Variants in NKIRAS2 observed in about 807,000 individuals in gnomAD.
NKIRAS2 encodes the protein NF-kappa-B inhibitor-interacting Ras-like protein 2.
NKIRAS2 carries 15 observed loss-of-function variants against 20.7 expected under a neutral mutation model. That is an observed-to-expected ratio of 0.73 (90% CI 0.49 to 1.12). The LOEUF (loss-of-function observed/expected upper bound fraction) is 1.12, where lower values mean the gene tolerates loss of function less well. NKIRAS2 is among the 50% of genes most tolerant of loss of function. NKIRAS2 has a pLI of 0.00. For synonymous variants in NKIRAS2, 116 were observed against 101.4 expected, an observed-to-expected ratio of 1.14 and a Z score of -0.87; for missense variants, 196 against 249.6, an observed-to-expected ratio of 0.79 and a Z score of 1.45.
intron 2 of NKIRAS2, 176 bp downstream of exon 2, chr17:42,021,847 C>T (rs896102611): frequency 6.6e-6 from 5 of 759,320 alleles, no homozygotes; most frequent in Admixed American, 1.7e-5. Flanking sequence ...AGGGAGAAAG[C>T]CCTATGTCCA....
intron 3 of NKIRAS2, 30 bp from the exon 4 acceptor site, chr17:42,023,624 A>G: frequency 3.1e-6 from 5 of 1,601,686 alleles, no homozygotes; most frequent in Non-Finnish European, 4.3e-6. Context: ...TGGTACATTC[A>G]CAGGCCTATG....
intron 3 of NKIRAS2, 102 bp from the exon 4 acceptor site, chr17:42,023,552 T>G: frequency 2.1e-5 from 22 of 1,023,318 alleles, no homozygotes; most frequent in Non-Finnish European, 3.1e-5. Context: ...TATCAGCCAT[T>G]GAGCTTTCCT....
At chr17:42,022,021 C>G in intron 2 of NKIRAS2, 1 of 520,046 alleles carries the variant, frequency 1.9e-6, no homozygotes, top group Non-Finnish European at 3.7e-6. Context: ...ACCAGCCTAA[C>G]GAACTTGGAG....
upstream of NKIRAS2, chr17:42,017,602 G>A (rs35468867): frequency 5.6e-6 from 4 of 713,280 alleles, no homozygotes; most frequent in Admixed American, 5.9e-5. Flanking sequence ...CTCCGCGCCG[G>A]GGCGGGAGCC....
chr17:42,022,894 G>T (rs2052492144), intron 3 of NKIRAS2: 1 of 434,564 alleles, frequency 2.3e-6, no homozygotes, highest in South Asian at 3.3e-5. Flanking sequence ...TGTTGAAGGG[G>T]TCACTGACCT....
chr17:42,023,369 G>A (rs571500522), intron 3 of NKIRAS2, among the ~76,000 whole-genome samples: 1 of 152,300 alleles, frequency 6.6e-6, no homozygotes, highest in Non-Finnish European at 1.5e-5. Context: ...CTCACCTGTT[G>A]TTGAGCCAGA....
upstream of NKIRAS2, chr17:42,017,721 C>T (rs1481695073): frequency 2.0e-6 from 1 of 501,922 alleles, no homozygotes; most frequent in Admixed American, 3.7e-5. Context: ...ATTCCAAGAG[C>T]CTCATTGCCA....
At chr17:42,021,332 GTAGACAT>G in intron 1 of NKIRAS2, 2 of 479,526 alleles carry the variant, frequency 4.2e-6, no homozygotes, top group Admixed American at 6.7e-5. Context: ...CCATCCAGTA[GTAGACAT>G]GGAGACATCC....
rs1190436496 is a variant in NKIRAS2 at position 42,023,712 on chromosome 17, C to A, written c.395C>A (p.Pro132Gln). ...CDLQEQRRVD[P>Q]DVAQHWAKSE... ...TTACAGGAGCAGCGGCGTGTAGACC[C>A]AGATGTGGCTCAGCACTGGGCCAAG... Residue 132 changes from proline to glutamine, a missense_variant, in exon 4 of 4, where the codon CCA (proline) becomes CAA (glutamine). Physicochemically the swap from Pro to Gln is moderately conservative, Grantham distance 76. Transcript: ENST00000393885. 6.2e-7 allele frequency: 1 copy of A among 1,614,100 alleles called. No homozygotes were observed. Among genetic ancestry groups the A allele is most frequent in the Non-Finnish European group, 8.5e-7 (1 of 1,180,010 alleles).
chr17:42,017,625 C>T (rs1598163580), upstream of NKIRAS2: 8 of 617,850 alleles, frequency 1.3e-5, no homozygotes, highest in East Asian at 2.1e-4. Flanking sequence ...GGGGCTGTGC[C>T]GGTGCGTAGG....
upstream of NKIRAS2, among the ~76,000 whole-genome samples, chr17:42,018,903 T>A (rs1297662945): frequency 1.3e-5 from 2 of 152,188 alleles, no homozygotes; most frequent in East Asian, 3.8e-4. Flanking sequence ...AAATTTAACT[T>A]TTTCATTGTC....
chr17:42,017,902 A>G (rs1260580923), upstream of NKIRAS2, among the ~76,000 whole-genome samples: 2 of 152,112 alleles, frequency 1.3e-5, no homozygotes. Context: ...CTTTGAGCTC[A>G]GTTCCCCCAG....
chr17:42,022,302 AT>A (rs2052473149), intron 2 of NKIRAS2, 96 bp from the exon 3 acceptor site: 2 of 1,332,756 alleles, frequency 1.5e-6, no homozygotes, highest in African/African-American at 2.9e-5. Context: ...AGCCCCCTAC[AT>A]TCCTTTCTCC....
chr17:42,024,105 C>A lies in NKIRAS2; in HGVS notation c.*212C>A. ...CCCCTTCCTCAGCCCTCCCAGCCTA[C>A]TCCCCATCCCAGCTTTTAGAGGATC... On this transcript the variant is annotated 3_prime_UTR_variant, in exon 4 of 4. Transcript: ENST00000393885. 1 of 662,054 alleles carries A rather than the reference C, an allele frequency of 1.5e-6. No homozygotes were observed. The highest frequency in any genetic ancestry group is 2.5e-6 in the Non-Finnish European group (1 of 407,422). 41.0% of individuals were successfully genotyped at this position (662,054 alleles called of 1,614,324 possible).
At chr17:42,018,976 C>T (rs535039795), upstream of NKIRAS2, among the ~76,000 whole-genome samples, 2 of 152,294 alleles carry the variant, frequency 1.3e-5, no homozygotes, top group African/African-American at 2.4e-5. Context: ...TCCTAAATTC[C>T]GTATCTTGTT....
intron 2 of NKIRAS2, 83 bp from the exon 3 acceptor site, chr17:42,022,316 A>AT: frequency 7.0e-7 from 1 of 1,429,042 alleles, no homozygotes; most frequent in Non-Finnish European, 9.4e-7. Context: ...CTTTCTCCCC[A>AT]TTTGGTCAGC....
chr17:42,019,280 G>GCAA (rs370782252), upstream of NKIRAS2, among the ~76,000 whole-genome samples: 1,056 of 151,874 alleles, frequency 7.0e-3, 9 homozygotes, highest in Middle Eastern at 0.041. Context: ...CTCAAAAACG[G>GCAA]CAACAACAAC....
At chr17:42,019,925 C>T (rs2052397363), upstream of NKIRAS2, 1 of 152,332 alleles carries the variant, frequency 6.6e-6, no homozygotes, top group African/African-American at 2.4e-5. Flanking sequence ...GGCCCGCGTC[C>T]AGGGAGTCTA....
rs1555653697 is a variant in NKIRAS2 at position 42,023,940 on chromosome 17, G to A, written c.*47G>A. On this transcript the variant is annotated 3_prime_UTR_variant, in exon 4 of 4. Coordinates refer to ENST00000393885, the MANE Select transcript of NKIRAS2 (RefSeq NM_017595.6). Reference sequence around the variant, plus strand: ...CGATCCCAGCCCCATTTCAGTGTCTGGGGCTCTGGTAGATGTGTTGAGGGC... The same window carrying A: ...CGATCCCAGCCCCATTTCAGTGTCTAGGGCTCTGGTAGATGTGTTGAGGGC... 1 of 1,600,256 alleles carries A rather than the reference G, an allele frequency of 6.2e-7. No homozygotes were observed. The highest frequency in any genetic ancestry group is 1.1e-5 in the South Asian group (1 of 88,984).
Sources: allele counts gnomAD v4.1 joint callset (sites outside exome capture counted in the v4.1 genomes callset), GRCh38; gene constraint gnomAD v4.1.1; transcripts MANE v1.5; gene names NCBI Gene and HGNC (gene_info 2026-07-23, HGNC 2026-07-21).